SNTG1: variants seen among roughly 807,000 people sequenced by gnomAD.
SNTG1 encodes syntrophin gamma 1.
SNTG1 carries 39 observed loss-of-function variants against 74.7 expected under a neutral mutation model. That is an observed-to-expected ratio of 0.52 (90% CI 0.40 to 0.68). The LOEUF (loss-of-function observed/expected upper bound fraction) is 0.68, where lower values mean the gene tolerates loss of function less well. Among genes scored for constraint, SNTG1 ranks in the 30% least tolerant of loss-of-function variants. The pLI, the probability that SNTG1 is intolerant of heterozygous loss-of-function variation, is 0.00. For missense variants in SNTG1, 685 were observed against 609.5 expected, an observed-to-expected ratio of 1.12 and a Z score of -1.30; for synonymous variants, 254 against 217.1, an observed-to-expected ratio of 1.17 and a Z score of -1.49.
chr8:50,557,875 C>A (rs2094465636), intron 12 of SNTG1, among the ~76,000 whole-genome samples: 1 of 152,192 alleles, frequency 6.6e-6, no homozygotes, highest in African/African-American at 2.4e-5. Flanking sequence ...AGTTTCAAAG[C>A]CTTTGCTTTG....
intron 4 of SNTG1, among the ~76,000 whole-genome samples, chr8:50,435,387 G>A (rs1174986196): frequency 1.3e-5 from 2 of 152,150 alleles, no homozygotes; most frequent in Non-Finnish European, 2.9e-5. Flanking sequence ...CACTCATGAT[G>A]TGTTAACTAA....
intron 15 of SNTG1, among the ~76,000 whole-genome samples, chr8:50,675,495 T>G (rs2095305882): frequency 6.6e-6 from 1 of 151,750 alleles, no homozygotes; most frequent in South Asian, 2.1e-4. Context: ...CTACTTTTTT[T>G]TTTCCATCTC....
Position 50,053,428 on chromosome 8 carries a change from G to A in SNTG1, c.-102-119133G>A, listed in dbSNP as rs1386788807. 3.3e-5 allele frequency among the ~76,000 whole-genome samples: 5 copies of A among 152,066 alleles called. No individual in the cohort carries two copies. The East Asian group carries it at 9.7e-4, about 29-fold the overall frequency. On this transcript the variant is annotated intron_variant, in intron 1 of 18. Transcript: ENST00000642720. ...ATAGACTGGTGGTTTCCAGGGATTAGGGAGAGGAATGATTAGGGAATGATA... is the reference window on the plus strand; with the variant it reads ...ATAGACTGGTGGTTTCCAGGGATTAAGGAGAGGAATGATTAGGGAATGATA...
In SNTG1 at chr8:50,489,518, A is replaced by C. The variant is rs186165585; in HGVS notation, c.364-13260A>C. Among the ~76,000 whole-genome samples the C allele has an allele frequency of 1.8e-4, 28 of 152,284 alleles. 1 individual carries two copies. Among genetic ancestry groups the C allele is most frequent in the Admixed American group, 1.6e-3 (25 of 15,292 alleles). On this transcript the variant is annotated intron_variant, in intron 8 of 18. Transcript: ENST00000642720. ...TTGTGGTTTTGATTTGCATTTCTCT[A>C]ATGACCAGTGATGATGAGCTTTTCT... is the stretch of plus-strand genomic sequence containing the variant.
At chr8:50,019,823 A>C (rs190054080) in intron 1 of SNTG1, among the ~76,000 whole-genome samples, 1 of 152,230 alleles carries the variant, frequency 6.6e-6, no homozygotes, top group Admixed American at 6.5e-5. Context: ...GTCTATGCTG[A>C]GGTCCTGCTG....
intron 2 of SNTG1, among the ~76,000 whole-genome samples, chr8:50,329,877 T>C (rs1365227647): frequency 6.6e-6 from 1 of 152,192 alleles, no homozygotes; most frequent in Non-Finnish European, 1.5e-5. Context: ...GCTTCCTTTT[T>C]AAACATAAGT....
intron 1 of SNTG1, among the ~76,000 whole-genome samples, chr8:50,021,933 C>T (rs1403489395): frequency 2.8e-5 from 2 of 72,324 alleles, no homozygotes; most frequent in African/African-American, 1.0e-4. Context: ...ACAGTGAGAC[C>T]CTCTCAAAAA....
rs1424359964 is a variant in SNTG1 at position 50,098,332 on chromosome 8, C to T, written c.-102-74229C>T. Among the ~76,000 whole-genome samples, 3 of 152,216 alleles carry T rather than the reference C, an allele frequency of 2.0e-5. No homozygotes were observed. The East Asian group carries it at 5.8e-4, about 29-fold the overall frequency. On this transcript the variant is annotated intron_variant, in intron 1 of 18. Transcript: ENST00000642720. ...GTAATATACAGTGGGCCCTTTGTAT[C>T]GCTAGGTTACTCATTTGTAGATTGA...
chr8:50,576,207 G>GA (rs1388679712), intron 12 of SNTG1, among the ~76,000 whole-genome samples: 2 of 152,122 alleles, frequency 1.3e-5, no homozygotes, highest in African/African-American at 2.4e-5. Context: ...TGAATTTCCA[G>GA]TTTTCTTAGA....
chr8:50,037,486 T>C (rs1168733281), intron 1 of SNTG1, among the ~76,000 whole-genome samples: 1 of 152,190 alleles, frequency 6.6e-6, no homozygotes, highest in Non-Finnish European at 1.5e-5. Context: ...AAATTTATAG[T>C]AAGGTTGCTA....
chr8:50,239,883 C>T (rs959672565), intron 2 of SNTG1, among the ~76,000 whole-genome samples: 1 of 152,144 alleles, frequency 6.6e-6, no homozygotes, highest in African/African-American at 2.4e-5. Context: ...ACCTCGGTCT[C>T]AATTTGATAG....
chr8:50,555,576 A>G (rs2094451294), intron 12 of SNTG1, among the ~76,000 whole-genome samples: 1 of 152,182 alleles, frequency 6.6e-6, no homozygotes. Flanking sequence ...TACTGGAAAT[A>G]ACACCTTATG....
intron 13 of SNTG1, among the ~76,000 whole-genome samples, chr8:50,603,659 G>T (rs927288706): frequency 6.6e-6 from 1 of 152,096 alleles, no homozygotes; most frequent in Non-Finnish European, 1.5e-5. Context: ...CTTTCTTGGG[G>T]AGGCTTTCCA....
rs1001291747 is a variant in SNTG1 at position 50,110,034 on chromosome 8, A to G, written c.-102-62527A>G. Among the ~76,000 whole-genome samples, 52 of 152,176 alleles carry G rather than the reference A, an allele frequency of 3.4e-4. 1 individual carries two copies. Among genetic ancestry groups the G allele is most frequent in the Non-Finnish European group, 1.2e-4 (8 of 68,028 alleles). ...CTCTGTTGATACGCATGTGCAAACC[A>G]GGAATTGGATATGAATTCTATCTAA... On this transcript the variant is annotated intron_variant, in intron 1 of 18. Coordinates refer to ENST00000642720, the MANE Select transcript of SNTG1 (RefSeq NM_018967.5).
At chr8:49,992,102 G>T (rs1455750336) in intron 1 of SNTG1, among the ~76,000 whole-genome samples, 1 of 152,066 alleles carries the variant, frequency 6.6e-6, no homozygotes, top group Non-Finnish European at 1.5e-5. Context: ...GAACACACTG[G>T]AAACTTATAC....
intron 2 of SNTG1, among the ~76,000 whole-genome samples, chr8:50,293,403 C>CTTTTTTTTTTTTTTTT (rs11349774): frequency 1.5e-5 from 2 of 135,648 alleles, no homozygotes; most frequent in Non-Finnish European, 3.2e-5. Flanking sequence ...TAGTAGGCTT[C>CTTTTTTTTTTTTTTTT]TTTTTTTTTT....
At chr8:50,189,152 C>G (rs946376602) in intron 2 of SNTG1, among the ~76,000 whole-genome samples, 1 of 152,144 alleles carries the variant, frequency 6.6e-6, no homozygotes, top group Admixed American at 6.6e-5. Context: ...TTGACAATCT[C>G]CAGGCCACTG....
At chr8:50,105,675 A>G (rs577355975) in intron 1 of SNTG1, among the ~76,000 whole-genome samples, 1 of 151,730 alleles carries the variant, frequency 6.6e-6, no homozygotes, top group East Asian at 1.9e-4. Flanking sequence ...AGCATGGGAT[A>G]TTTTTCTAGT....
intron 15 of SNTG1, among the ~76,000 whole-genome samples, chr8:50,668,499 ATT>A (rs2095261580): frequency 8.4e-5 from 1 of 11,864 alleles, no homozygotes; most frequent in African/African-American, 1.3e-4. Context: ...TTCGCACATT[ATT>A]ATTATTATTA....
Sources: allele counts gnomAD v4.1 joint callset (sites outside exome capture counted in the v4.1 genomes callset), GRCh38; gene constraint gnomAD v4.1.1; transcripts MANE v1.5; gene names NCBI Gene and HGNC (gene_info 2026-07-23, HGNC 2026-07-21).